KIF13A: variants seen among roughly 807,000 people sequenced by gnomAD.
KIF13A encodes the protein kinesin-like protein KIF13A.
In KIF13A, 79 loss-of-function variants were observed where a neutral mutation model predicts 212.2. That is an observed-to-expected ratio of 0.37 (90% CI 0.31 to 0.45). KIF13A has a LOEUF of 0.45. KIF13A is among the 20% of genes least tolerant of loss of function. The pLI is 1.00. For missense variants in KIF13A, 1,901 were observed against 2,209.0 expected (o/e 0.86, Z 2.79); for synonymous variants, 789 against 808.6 (o/e 0.98, Z 0.41).
At position 17,833,014 on chromosome 6, in the gene KIF13A, C is replaced by CAAAAAAAA. The variant is rs61281213; in HGVS notation, c.1266+939_1266+946dup. On this transcript the variant is annotated intron_variant, in intron 12 of 38. Coordinates refer to ENST00000259711, the MANE Select transcript of KIF13A (RefSeq NM_022113.6). ...GGGCGACAGAGAGAGACTCTGTCTG[C>CAAAAAAAA]AAAAAAAAAAAAAAAAAAAAAAAAA... is the stretch of plus-strand genomic sequence containing the variant. Among the ~76,000 whole-genome samples the CAAAAAAAA allele has an allele frequency of 3.7e-3, 280 of 75,388 alleles. 36 individuals are homozygous for CAAAAAAAA. Among genetic ancestry groups the CAAAAAAAA allele is most frequent in the African/African-American group, 0.018 (269 of 14,796 alleles). 49.5% of individuals were successfully genotyped at this position (75,388 alleles called of 152,430 possible).
intron 2 of KIF13A, among the ~76,000 whole-genome samples, chr6:17,952,303 CA>C (rs35418848): frequency 0.72 from 73,097 of 102,222 alleles, 23,602 homozygotes; most frequent in South Asian, 0.77. Context: ...GACTCCGTCT[CA>C]AAAAAAAAAA....
intron 38 of KIF13A, among the ~76,000 whole-genome samples, chr6:17,766,968 G>C (rs1481832319): frequency 1.3e-5 from 2 of 152,132 alleles, no homozygotes; most frequent in Non-Finnish European, 2.9e-5. Flanking sequence ...ATGTGTAAAG[G>C]AATTGGTGAT....
chr6:17,821,321 T>C (rs531124004), intron 16 of KIF13A, among the ~76,000 whole-genome samples: 1 of 152,336 alleles, frequency 6.6e-6, no homozygotes, highest in South Asian at 2.1e-4. Context: ...TAGATCAGTA[T>C]TTACTCTAGA....
chr6:17,987,624 G>C lies in KIF13A; in HGVS notation c.-161C>G. 4.9e-6 allele frequency: 1 copy of C among 205,260 alleles called. No homozygotes were observed. Among genetic ancestry groups the C allele is most frequent in the Non-Finnish European group, 8.3e-6 (1 of 120,164 alleles). 12.7% of individuals were successfully genotyped at this position (205,260 alleles called of 1,614,324 possible). ...GCGCCGAGGCGCGCGGGCCATCCCG[G>C]GGGAGCGCGACGCGGGGCACGGCCG... On this transcript the variant is annotated 5_prime_UTR_variant, in exon 1 of 39. Coordinates refer to ENST00000259711, the MANE Select transcript of KIF13A (RefSeq NM_022113.6). The surrounding 1 kb of genome is among the most constrained non-coding windows in gnomAD (Gnocchi z 7.7).
intron 3 of KIF13A, among the ~76,000 whole-genome samples, chr6:17,875,852 CAG>C (rs940673277): frequency 2.6e-5 from 4 of 152,124 alleles, no homozygotes; most frequent in African/African-American, 9.6e-5. Flanking sequence ...TCTAAGGAAC[CAG>C]AGTTTCATGA....
At chr6:17,866,253 G>A (rs1231825229) in intron 4 of KIF13A, among the ~76,000 whole-genome samples, 3 of 152,080 alleles carry the variant, frequency 2.0e-5, no homozygotes, top group African/African-American at 4.8e-5. Context: ...TTTGAGGCGA[G>A]GTTAAAACAA....
At chr6:17,818,680 T>A (rs1764164433) in intron 16 of KIF13A, among the ~76,000 whole-genome samples, 1 of 152,128 alleles carries the variant, frequency 6.6e-6, no homozygotes, top group Admixed American at 6.6e-5. Context: ...GTGGATATCA[T>A]CCCGATTTTA....
At chr6:17,780,935 G>A (rs1760509188) in intron 30 of KIF13A, 29 bp from the exon 31 acceptor site, 6 of 1,597,168 alleles carry the variant, frequency 3.8e-6, no homozygotes, top group Non-Finnish European at 5.1e-6. Context: ...TGAGGAGATG[G>A]AAACAAGACA....
At chr6:17,913,111 T>A (rs1009451783) in intron 2 of KIF13A, among the ~76,000 whole-genome samples, 4 of 151,370 alleles carry the variant, frequency 2.6e-5, no homozygotes, top group African/African-American at 4.8e-5. Context: ...ATATATATAT[T>A]TATATATTTT....
At chr6:17,896,775 T>C (rs182375534) in intron 3 of KIF13A, among the ~76,000 whole-genome samples, 9 of 152,298 alleles carry the variant, frequency 5.9e-5, no homozygotes, top group Admixed American at 2.0e-4. Flanking sequence ...GTGTCTCTTT[T>C]TCATTTCAGT....
intron 25 of KIF13A, among the ~76,000 whole-genome samples, chr6:17,792,882 A>G (rs866696414): frequency 2.4e-4 from 37 of 152,308 alleles, no homozygotes; most frequent in African/African-American, 8.4e-4. Context: ...AACATCCTCA[A>G]GATTGGCTGG....
At chr6:17,910,676 C>G (rs1398808177) in intron 2 of KIF13A, among the ~76,000 whole-genome samples, 2 of 152,186 alleles carry the variant, frequency 1.3e-5, no homozygotes, top group African/African-American at 4.8e-5. Context: ...ATAACAGAAG[C>G]AATAAACTTC....
chr6:17,850,922 A>T lies in KIF13A; in HGVS notation c.583-465T>A, dbSNP rs1015632040. ...TCCTAGAATGCCTAGAGCCTATGGGATCTTATGAAATATTTGCTAAATGAA... is the reference window on the plus strand; with the variant it reads ...TCCTAGAATGCCTAGAGCCTATGGGTTCTTATGAAATATTTGCTAAATGAA... On this transcript the variant is annotated intron_variant, in intron 7 of 38. Coordinates refer to ENST00000259711, the MANE Select transcript of KIF13A (RefSeq NM_022113.6). The surrounding 1 kb of genome is among the most constrained non-coding windows in gnomAD (Gnocchi z 6.2). Among the ~76,000 whole-genome samples, 1 of 152,070 alleles carries T rather than the reference A, an allele frequency of 6.6e-6. No individual in the cohort carries two copies. Among genetic ancestry groups the T allele is most frequent in the Non-Finnish European group, 1.5e-5 (1 of 68,022 alleles).
chr6:17,912,997 G>C lies in KIF13A; in HGVS notation c.147-14817C>G, dbSNP rs2150507364. Among the ~76,000 whole-genome samples the C allele has an allele frequency of 6.6e-6, 1 of 150,906 alleles. No homozygotes were observed. Among genetic ancestry groups the C allele is most frequent in the East Asian group, 1.9e-4 (1 of 5,156 alleles). ...AGATAGGGTCTCACTATATTGCTCA[G>C]GCTGGTCTTGAACTCCTGGGTTCAA... On this transcript the variant is annotated intron_variant, in intron 2 of 38. Transcript: ENST00000259711. The surrounding 1 kb of genome is among the most constrained non-coding windows in gnomAD (Gnocchi z 4.2).
Position 17,944,000 on chromosome 6 carries a change from G to C in KIF13A, c.146+43054C>G, listed in dbSNP as rs77003521. ...CAAAGCAGAAAAGAATCATGAGCTAGAAGTATATGGTTTTCTAATAATTAC... is the reference window on the plus strand; with the variant it reads ...CAAAGCAGAAAAGAATCATGAGCTACAAGTATATGGTTTTCTAATAATTAC... On this transcript the variant is annotated intron_variant, in intron 2 of 38. Coordinates refer to ENST00000259711, the MANE Select transcript of KIF13A (RefSeq NM_022113.6). Among the ~76,000 whole-genome samples, 451 of 152,302 alleles carry C rather than the reference G, an allele frequency of 3.0e-3. 14 individuals are homozygous for C. In the East Asian group the frequency reaches 0.077, roughly 26 times the overall value.
rs139596119 is a variant in KIF13A at position 17,880,309 on chromosome 6, T to C, written c.160-6872A>G. On this transcript the variant is annotated intron_variant, in intron 3 of 38. Coordinates refer to ENST00000259711, the MANE Select transcript of KIF13A (RefSeq NM_022113.6). ...TCTTATTTTTTGCAAACCCACCATA[T>C]TATACTAGAAAAATGTTATTTAAGA... Among the ~76,000 whole-genome samples, 7 of 152,056 alleles carry C rather than the reference T, an allele frequency of 4.6e-5. No individual in the cohort carries two copies. The East Asian group carries it at 1.2e-3, about 25-fold the overall frequency.
In KIF13A at chr6:17,799,011, T is replaced by C. The variant is rs1182178900; in HGVS notation, c.2790+255A>G. 6.6e-6 allele frequency among the ~76,000 whole-genome samples: 1 copy of C among 152,248 alleles called. No individual in the cohort carries two copies. The highest frequency in any genetic ancestry group is 1.9e-4 in the East Asian group (1 of 5,202). On this transcript the variant is annotated intron_variant, in intron 22 of 38. Coordinates refer to ENST00000259711, the MANE Select transcript of KIF13A (RefSeq NM_022113.6). The surrounding 1 kb of genome is among the most constrained non-coding windows in gnomAD (Gnocchi z 4.4). ...TATAAAAGATGCAGAGCATAGAAAGTAGTTTAATGAAATATGTAGCAACCT... is the reference window on the plus strand; with the variant it reads ...TATAAAAGATGCAGAGCATAGAAAGCAGTTTAATGAAATATGTAGCAACCT...
chr6:17,788,523 G>A (rs1252715367), intron 26 of KIF13A, among the ~76,000 whole-genome samples: 1 of 152,180 alleles, frequency 6.6e-6, no homozygotes, highest in Admixed American at 6.5e-5. Context: ...GCCGCAGGAC[G>A]TTAGTCAATG....
At position 17,768,536 on chromosome 6, in the gene KIF13A, T is replaced by C. The variant is rs566579747; in HGVS notation, c.4581+2578A>G. Among the ~76,000 whole-genome samples the C allele has an allele frequency of 2.0e-5, 3 of 152,326 alleles. No individual in the cohort carries two copies. Among genetic ancestry groups the C allele is most frequent in the South Asian group, 2.1e-4 (1 of 4,820 alleles). The stretch of plus-strand genomic sequence containing the variant: ...CCAAGGGCTCCAGTACTTCTGTCCA[T>C]GGTACTGAGGAGTGAGCCCTTTATC... On this transcript the variant is annotated intron_variant, in intron 38 of 38. Transcript: ENST00000259711. The surrounding 1 kb of genome is among the most constrained non-coding windows in gnomAD (Gnocchi z 5.4).
Sources: gnomAD v4.1 joint callset for allele counts (sites outside exome capture counted in the v4.1 genomes callset) on GRCh38, gnomAD v4.1.1 for gene constraint, Gnocchi (gnomAD v3.1) non-coding constraint, MANE v1.5 for transcripts, NCBI Gene and HGNC (gene_info 2026-07-23, HGNC 2026-07-21) for gene names.